Variants in IMMP2L observed in about 807,000 individuals in gnomAD.
IMMP2L encodes mitochondrial inner membrane protease subunit 2.
In IMMP2L, 18 loss-of-function variants were observed where a neutral mutation model predicts 19.3. The observed-to-expected ratio is 0.93, with a 90% confidence interval of 0.64 to 1.38. The LOEUF (loss-of-function observed/expected upper bound fraction) is 1.38, where lower values mean the gene tolerates loss of function less well. Ranked by LOEUF, IMMP2L falls within the 40% of genes most tolerant of loss-of-function variation. IMMP2L has a pLI of 0.00. For synonymous variants in IMMP2L, 76 were observed against 73.0 expected, an observed-to-expected ratio of 1.04 and a Z score of -0.21; for missense variants, 233 against 218.2, an observed-to-expected ratio of 1.07 and a Z score of -0.43.
chr7:111,015,490 C>T lies in IMMP2L; in HGVS notation c.240-51925G>A, dbSNP rs150407403. 1.8e-3 allele frequency among the ~76,000 whole-genome samples: 269 copies of T among 152,124 alleles called. 1 individual carries two copies. Among genetic ancestry groups the T allele is most frequent in the African/African-American group, 5.3e-3 (220 of 41,500 alleles). ...GTTCTGCAGACCTGTTTTAAAACAACGTGAATATACTTAACACTACTAAAA... is the reference window on the plus strand; with the variant it reads ...GTTCTGCAGACCTGTTTTAAAACAATGTGAATATACTTAACACTACTAAAA... On this transcript the variant is annotated intron_variant, in intron 3 of 5. Transcript: ENST00000405709.
At chr7:111,418,360 A>G (rs1466663856) in intron 3 of IMMP2L, among the ~76,000 whole-genome samples, 1 of 151,820 alleles carries the variant, frequency 6.6e-6, no homozygotes, top group Non-Finnish European at 1.5e-5. Flanking sequence ...ATATTCACTA[A>G]TTAGTAATCT....
At chr7:110,721,198 T>C (rs1047680617) in intron 5 of IMMP2L, among the ~76,000 whole-genome samples, 8 of 151,974 alleles carry the variant, frequency 5.3e-5, no homozygotes, top group African/African-American at 1.7e-4. Flanking sequence ...AGGGACAAGC[T>C]GGAAGGGACA....
chr7:110,806,627 C>G (rs1801655691), intron 5 of IMMP2L, among the ~76,000 whole-genome samples: 1 of 151,822 alleles, frequency 6.6e-6, no homozygotes, highest in African/African-American at 2.4e-5. Context: ...AAAAATGAAA[C>G]CAACTAAAGG....
At chr7:111,379,700 T>A (rs1019357968) in intron 3 of IMMP2L, among the ~76,000 whole-genome samples, 10 of 151,846 alleles carry the variant, frequency 6.6e-5, no homozygotes, top group African/African-American at 2.2e-4. Context: ...AAGTATAAAA[T>A]GCCACATATT....
chr7:111,200,787 A>G (rs1810019995), intron 3 of IMMP2L, among the ~76,000 whole-genome samples: 1 of 152,162 alleles, frequency 6.6e-6, no homozygotes, highest in East Asian at 1.9e-4. Flanking sequence ...CTAGAACTTG[A>G]GGAATAAAAG....
intron 3 of IMMP2L, among the ~76,000 whole-genome samples, chr7:111,401,062 C>T (rs561537882): frequency 3.3e-5 from 5 of 152,154 alleles, no homozygotes; most frequent in Admixed American, 1.3e-4. Flanking sequence ...AGTAAGTTTA[C>T]TTTGGACAGA....
At chr7:111,144,083 A>G (rs1271123083) in intron 3 of IMMP2L, among the ~76,000 whole-genome samples, 1 of 152,178 alleles carries the variant, frequency 6.6e-6, no homozygotes, top group African/African-American at 2.4e-5. Flanking sequence ...AGGCAAACCC[A>G]TCATGTTGTG....
intron 1 of IMMP2L, among the ~76,000 whole-genome samples, chr7:111,541,598 AT>A (rs1259147381): frequency 6.6e-6 from 1 of 152,176 alleles, no homozygotes; most frequent in African/African-American, 2.4e-5. Context: ...TAAGAAACTT[AT>A]TTTTATTGTC....
At chr7:111,296,588 C>G (rs1430679883) in intron 3 of IMMP2L, among the ~76,000 whole-genome samples, 1 of 151,558 alleles carries the variant, frequency 6.6e-6, no homozygotes, top group Non-Finnish European at 1.5e-5. Flanking sequence ...TAAAATGGTA[C>G]AGCCACCCCA....
At position 111,418,196 on chromosome 7, in the gene IMMP2L, A is replaced by T. The variant is rs1835128193; in HGVS notation, c.239+69042T>A. Among the ~76,000 whole-genome samples the T allele has an allele frequency of 1.3e-5, 2 of 151,836 alleles. 1 individual carries two copies. Among genetic ancestry groups the T allele is most frequent in the African/African-American group, 4.9e-5 (2 of 41,220 alleles). ...GTAATCAGTTGTGATTTCTTTTCTC[A>T]TTCTAAATACATATTGACTTGTATA... On this transcript the variant is annotated intron_variant, in intron 3 of 5. Coordinates refer to ENST00000405709, the MANE Select transcript of IMMP2L (RefSeq NM_032549.4).
chr7:110,753,513 C>T (rs891599669), intron 5 of IMMP2L, among the ~76,000 whole-genome samples: 1 of 151,978 alleles, frequency 6.6e-6, no homozygotes, highest in East Asian at 1.9e-4. Context: ...GCTCACATTT[C>T]AATGAAATGC....
At chr7:111,265,471 C>A (rs572523111) in intron 3 of IMMP2L, among the ~76,000 whole-genome samples, 4 of 152,172 alleles carry the variant, frequency 2.6e-5, no homozygotes, top group Middle Eastern at 3.4e-3. Context: ...TGAAAATATG[C>A]TTTAGAGACC....
Position 111,510,401 on chromosome 7 carries a change from T to C in IMMP2L, c.135+10912A>G, listed in dbSNP as rs546023523. On this transcript the variant is annotated intron_variant, in intron 2 of 5. Coordinates refer to ENST00000405709, the MANE Select transcript of IMMP2L (RefSeq NM_032549.4). ...ACATACATATACATAAATATAGATATAGATATTGATACAGATATCAAAATC... is the reference window on the plus strand; with the variant it reads ...ACATACATATACATAAATATAGATACAGATATTGATACAGATATCAAAATC... Among the ~76,000 whole-genome samples the C allele has an allele frequency of 3.9e-5, 6 of 152,188 alleles. No individual in the cohort carries two copies. The South Asian group carries it at 8.3e-4, about 21-fold the overall frequency.
rs140227549 is a variant in IMMP2L, at chr7:111,391,143, C to T, written c.239+96095G>A. 2.9e-3 allele frequency among the ~76,000 whole-genome samples: 435 copies of T among 151,934 alleles called. 7 individuals carry two copies. The South Asian group carries it at 0.038, about 13-fold the overall frequency. On this transcript the variant is annotated intron_variant, in intron 3 of 5. Coordinates refer to ENST00000405709, the MANE Select transcript of IMMP2L (RefSeq NM_032549.4). ...ACATGGCTTATTGCTAATATGTAAA[C>T]GAAAGATGTTCAAAGGACTAAAGAA...
Position 111,123,137 on chromosome 7 carries a change from A to C in IMMP2L, c.240-159572T>G. ...AAGATGCCTCAGCTCCTTTCTGTGT[A>C]CCTAGAGGAAAACAAACTTACTGAA... On this transcript the variant is annotated intron_variant, in intron 3 of 5. Transcript: ENST00000405709. This position sits in a 1 kb window ranked among gnomAD's most constrained non-coding sequence, Gnocchi z 6.4. The C allele has an allele frequency of 6.2e-7, 1 of 1,613,812 alleles. No homozygotes were observed. The highest frequency in any genetic ancestry group is 2.2e-5 in the East Asian group (1 of 44,854).
chr7:111,527,270 A>G lies in IMMP2L; in HGVS notation c.-2-5821T>C, dbSNP rs979013588. Among the ~76,000 whole-genome samples the G allele has an allele frequency of 4.6e-5, 7 of 152,054 alleles. No individual in the cohort carries two copies. The South Asian group carries it at 8.3e-4, about 18-fold the overall frequency. ...TTCCATCTCTAAAAATTTAAAAATT[A>G]GCAAGGCATGGTAGCATACACCTGT... On this transcript the variant is annotated intron_variant, in intron 1 of 5. Coordinates refer to ENST00000405709, the MANE Select transcript of IMMP2L (RefSeq NM_032549.4).
chr7:111,268,203 T>C (rs1818028238), intron 3 of IMMP2L, among the ~76,000 whole-genome samples: 1 of 152,088 alleles, frequency 6.6e-6, no homozygotes, highest in Non-Finnish European at 1.5e-5. Context: ...CAAGACATTC[T>C]CTTTTAAAAA....
chr7:111,380,475 G>T (rs1241087503), intron 3 of IMMP2L, among the ~76,000 whole-genome samples: 2 of 151,936 alleles, frequency 1.3e-5, no homozygotes, highest in East Asian at 1.9e-4. Context: ...CTAGGGTTCA[G>T]ATTTTTTTTC....
chr7:110,833,951 C>T (rs1341521143), intron 5 of IMMP2L, among the ~76,000 whole-genome samples: 2 of 152,176 alleles, frequency 1.3e-5, no homozygotes, highest in African/African-American at 2.4e-5. Context: ...TATGAAAGTT[C>T]TCTTCAGGTA....
Sources: gnomAD v4.1 joint callset for allele counts (sites outside exome capture counted in the v4.1 genomes callset) on GRCh38, gnomAD v4.1.1 for gene constraint, Gnocchi (gnomAD v3.1) non-coding constraint, MANE v1.5 for transcripts, NCBI Gene and HGNC (gene_info 2026-07-23, HGNC 2026-07-21) for gene names.